The following SPAG6 variants were observed in gnomAD, a reference collection of about 807,000 sequenced individuals.
SPAG6 encodes sperm associated antigen 6, also known as sperm-associated antigen 6.
A neutral mutation model predicts 58.5 loss-of-function variants in SPAG6; 49 were observed. That is an observed-to-expected ratio of 0.84 (90% CI 0.67 to 1.06). The LOEUF (loss-of-function observed/expected upper bound fraction) is 1.06, where lower values mean the gene tolerates loss of function less well. Among genes scored for constraint, SPAG6 ranks in the 50% least tolerant of loss-of-function variants. The probability of loss-of-function intolerance (pLI) is 0.00; values close to 1 mark genes in which losing one functional copy is unlikely to be tolerated. For synonymous variants in SPAG6, 233 were observed against 225.6 expected (o/e 1.03, Z -0.29); for missense variants, 560 against 611.3 (o/e 0.92, Z 0.89).
intron 6 of SPAG6, 33 bp downstream of exon 6, chr10:22,388,029 A>C (rs1292138744): frequency 6.5e-7 from 1 of 1,546,046 alleles, no homozygotes; most frequent in Non-Finnish European, 8.8e-7. Flanking sequence ...AATAATATGT[A>C]GTAGTTAGTT....
intron 8 of SPAG6, among the ~76,000 whole-genome samples, chr10:22,397,610 G>A (rs536525747): frequency 6.6e-6 from 1 of 152,084 alleles, no homozygotes; most frequent in Non-Finnish European, 1.5e-5. Context: ...AGCCACTGCT[G>A]CTGGTCTCTC....
At chr10:22,399,744 G>A (rs1388040949) in intron 8 of SPAG6, among the ~76,000 whole-genome samples, 1 of 152,118 alleles carries the variant, frequency 6.6e-6, no homozygotes. Flanking sequence ...ACTAGAATAA[G>A]GCTGTCTTTA....
chr10:22,351,847 T>G (rs1352722770), intron 2 of SPAG6, among the ~76,000 whole-genome samples: 3 of 152,154 alleles, frequency 2.0e-5, no homozygotes, highest in Admixed American at 6.5e-5. Flanking sequence ...ATGGCTCAAC[T>G]TAAAATTTAT....
At chr10:22,375,266 C>G (rs1320580774) in intron 4 of SPAG6, among the ~76,000 whole-genome samples, 2 of 152,180 alleles carry the variant, frequency 1.3e-5, no homozygotes, top group African/African-American at 4.8e-5. Flanking sequence ...ATACATGAAG[C>G]AAAATATACT....
rs1199722966 is a variant in SPAG6, at chr10:22,346,479, TTCTTCTTCTTC to T, written c.121+663_121+673del. Among the ~76,000 whole-genome samples the T allele has an allele frequency of 3.5e-3, 491 of 141,590 alleles. 3 individuals are homozygous for T. Among genetic ancestry groups the T allele is most frequent in the African/African-American group, 0.015 (469 of 32,234 alleles). The allele number at this position is 141,590 out of a possible 152,430, so 92.9% of individuals were successfully genotyped here. ...CTTCTTCTTCTTCTTCTTCTTCTTC[TTCTTCTTCTTC>T]TTCTTCTTTCTTCTTCTTCTTCCTC... On this transcript the variant is annotated intron_variant, in intron 2 of 10. Coordinates refer to ENST00000376624, the MANE Select transcript of SPAG6 (RefSeq NM_012443.4).
chr10:22,362,300 G>T (rs1290346804), intron 2 of SPAG6, among the ~76,000 whole-genome samples: 1 of 150,410 alleles, frequency 6.6e-6, no homozygotes, highest in Non-Finnish European at 1.5e-5. Flanking sequence ...AAACTTAATT[G>T]TGATTCTTTA....
intron 9 of SPAG6, among the ~76,000 whole-genome samples, chr10:22,402,619 C>G (rs1156405654): frequency 6.6e-6 from 1 of 152,188 alleles, no homozygotes; most frequent in Non-Finnish European, 1.5e-5. Context: ...GTATCAAACA[C>G]CTATGTCCTT....
intron 4 of SPAG6, among the ~76,000 whole-genome samples, chr10:22,386,240 A>G (rs1171805406): frequency 2.6e-5 from 4 of 152,198 alleles, no homozygotes; most frequent in Admixed American, 6.6e-5. Flanking sequence ...TTTGTATGAA[A>G]TTTTTAAAAA....
At chr10:22,411,212 A>G (rs1834725984) in intron 10 of SPAG6, 36 bp downstream of exon 10, 1 of 1,559,988 alleles carries the variant, frequency 6.4e-7, no homozygotes, top group Admixed American at 1.9e-5. Context: ...TCAATATTAG[A>G]ATGTAGTTTT....
At chr10:22,363,693 G>A (rs1837108184) in intron 2 of SPAG6, among the ~76,000 whole-genome samples, 3 of 152,196 alleles carry the variant, frequency 2.0e-5, no homozygotes, top group Admixed American at 2.0e-4. Flanking sequence ...TCGACCTTTG[G>A]CTAAGATCAA....
chr10:22,379,434 C>T (rs1321728483), intron 4 of SPAG6, among the ~76,000 whole-genome samples: 1 of 152,188 alleles, frequency 6.6e-6, no homozygotes, highest in East Asian at 1.9e-4. Context: ...CTTTTATAAT[C>T]TTGAGTCTTC....
chr10:22,366,550 A>T (rs908247850), intron 3 of SPAG6, among the ~76,000 whole-genome samples: 2 of 152,224 alleles, frequency 1.3e-5, no homozygotes, highest in Non-Finnish European at 2.9e-5. Flanking sequence ...AAAATGGTTA[A>T]AATGGTAAAT....
intron 7 of SPAG6, among the ~76,000 whole-genome samples, chr10:22,391,300 G>C (rs1022392774): frequency 3.9e-5 from 6 of 152,062 alleles, no homozygotes; most frequent in African/African-American, 1.4e-4. Context: ...TTATTCTCAG[G>C]CTTATTATAT....
At chr10:22,403,363 C>T (rs1325368192) in intron 9 of SPAG6, among the ~76,000 whole-genome samples, 1 of 152,106 alleles carries the variant, frequency 6.6e-6, no homozygotes, top group Non-Finnish European at 1.5e-5. Flanking sequence ...CAATTCCCAC[C>T]TATGAGTGAG....
chr10:22,371,535 G>A (rs1189110081), intron 4 of SPAG6, among the ~76,000 whole-genome samples: 1 of 152,164 alleles, frequency 6.6e-6, no homozygotes, highest in East Asian at 1.9e-4. Context: ...ACAGGCGTGA[G>A]CTACTGCGTC....
intron 2 of SPAG6, among the ~76,000 whole-genome samples, chr10:22,362,182 AT>A (rs1453565313): frequency 6.8e-6 from 1 of 146,266 alleles, no homozygotes; most frequent in Non-Finnish European, 1.5e-5. Flanking sequence ...ATAAAAATAT[AT>A]TTATATTTAT....
intron 4 of SPAG6, among the ~76,000 whole-genome samples, chr10:22,386,478 C>T (rs1363600084): frequency 1.4e-5 from 2 of 148,102 alleles, no homozygotes; most frequent in East Asian, 3.9e-4. Context: ...TCTGCTTACT[C>T]TCTTAAAAAA....
intron 2 of SPAG6, chr10:22,360,798 T>C: frequency 6.5e-7 from 1 of 1,534,128 alleles, no homozygotes. Context: ...TCAGACTGCT[T>C]TAATTTGTGA....
intron 2 of SPAG6, among the ~76,000 whole-genome samples, chr10:22,352,207 G>C (rs947284305): frequency 6.6e-6 from 1 of 151,340 alleles, no homozygotes; most frequent in Non-Finnish European, 1.5e-5. Flanking sequence ...GTGTGTGCGT[G>C]TATGTGTGTG....
Sources: allele counts gnomAD v4.1 joint callset (sites outside exome capture counted in the v4.1 genomes callset), GRCh38; gene constraint gnomAD v4.1.1; transcripts MANE v1.5; gene names NCBI Gene and HGNC (gene_info 2026-07-23, HGNC 2026-07-21).